The following L2HGDH variants were observed in gnomAD, a reference collection of about 807,000 sequenced individuals.
L2HGDH encodes L-2-hydroxyglutarate dehydrogenase.
Under a neutral mutation model 51.5 loss-of-function variants are expected in L2HGDH, and 34 were observed. That is an observed-to-expected ratio of 0.66 (90% CI 0.50 to 0.88). The LOEUF (loss-of-function observed/expected upper bound fraction) is 0.88, where lower values mean the gene tolerates loss of function less well. L2HGDH is among the 40% of genes least tolerant of loss of function. The probability of loss-of-function intolerance (pLI) is 0.00; values close to 1 mark genes in which losing one functional copy is unlikely to be tolerated. For synonymous variants in L2HGDH, 198 were observed against 197.9 expected (o/e 1.00, Z -0.01); for missense variants, 558 against 571.9 (o/e 0.98, Z 0.25).
intron 2 of L2HGDH, 91 bp downstream of exon 2, chr14:50,302,811 T>G (rs1051504334): frequency 4.4e-6 from 4 of 902,610 alleles, no homozygotes; most frequent in Non-Finnish European, 7.4e-6. Context: ...ACTAAGAAAC[T>G]AACACTGACA....
rs964256797 is a variant in L2HGDH at position 50,255,362 on chromosome 14, C to T, written c.1197-8109G>A. On this transcript the variant is annotated intron_variant, in intron 9 of 9. Coordinates refer to ENST00000267436, the MANE Select transcript of L2HGDH (RefSeq NM_024884.3). ...TCAGCCTGGCAAATATGGCAAACCC[C>T]CGTCTCTACTAAAAATACAAAAATT... 2.0e-5 allele frequency among the ~76,000 whole-genome samples: 3 copies of T among 151,560 alleles called. No individual in the cohort carries two copies. In the South Asian group the frequency reaches 6.2e-4, roughly 32 times the overall value.
chr14:50,258,845 T>A (rs1888826477), intron 9 of L2HGDH, among the ~76,000 whole-genome samples: 1 of 151,308 alleles, frequency 6.6e-6, no homozygotes, highest in Admixed American at 6.6e-5. Flanking sequence ...ATTTTTTATT[T>A]AATTTTATTT....
chr14:50,247,364 A>G, intron 9 of L2HGDH, 111 bp from the exon 10 acceptor site: 9 of 1,498,734 alleles, frequency 6.0e-6, no homozygotes, highest in Non-Finnish European at 7.2e-6. Flanking sequence ...ATGCACAATT[A>G]TATGGAAACC....
At chr14:50,271,574 C>T (rs1237333458) in intron 6 of L2HGDH, among the ~76,000 whole-genome samples, 2 of 152,148 alleles carry the variant, frequency 1.3e-5, no homozygotes, top group African/African-American at 4.8e-5. Flanking sequence ...GGCACGGTGG[C>T]TCACGCCTGT....
At chr14:50,304,069 T>C (rs1038176916) in intron 1 of L2HGDH, among the ~76,000 whole-genome samples, 1 of 152,182 alleles carries the variant, frequency 6.6e-6, no homozygotes, top group African/African-American at 2.4e-5. Context: ...ATGATATAGC[T>C]TACTGTACAC....
At chr14:50,262,990 C>A (rs974048851) in intron 9 of L2HGDH, among the ~76,000 whole-genome samples, 1 of 152,178 alleles carries the variant, frequency 6.6e-6, no homozygotes, top group African/African-American at 2.4e-5. Flanking sequence ...CAGAAATTCA[C>A]ACCCTTACAC....
At chr14:50,283,240 A>G (rs1890376033) in intron 5 of L2HGDH, among the ~76,000 whole-genome samples, 1 of 152,130 alleles carries the variant, frequency 6.6e-6, no homozygotes, top group Admixed American at 6.5e-5. Flanking sequence ...AGCATTGTCA[A>G]GAGATTCTGA....
intron 1 of L2HGDH, among the ~76,000 whole-genome samples, chr14:50,310,894 T>A (rs1197598230): frequency 1.3e-5 from 2 of 149,042 alleles, no homozygotes; most frequent in African/African-American, 4.9e-5. Flanking sequence ...TTTTAGAACA[T>A]CAACATTTAA....
At chr14:50,278,774 A>T (rs1306212577) in intron 5 of L2HGDH, among the ~76,000 whole-genome samples, 1 of 152,230 alleles carries the variant, frequency 6.6e-6, no homozygotes, top group Non-Finnish European at 1.5e-5. Flanking sequence ...AATTCACCTA[A>T]TCTATGCTTA....
At chr14:50,297,978 C>T (rs1447017923) in intron 3 of L2HGDH, among the ~76,000 whole-genome samples, 1 of 151,822 alleles carries the variant, frequency 6.6e-6, no homozygotes, top group Non-Finnish European at 1.5e-5. Context: ...AATGACTGGG[C>T]ATGGTGGCTC....
In L2HGDH at chr14:50,243,642, ATTT is replaced by A; in HGVS notation, c.*3413_*3415del. 1.7e-6 allele frequency: 1 copy of A among 572,172 alleles called. No homozygotes were observed. The allele number at this position is 572,172 out of a possible 1,614,324, so 35.4% of individuals were successfully genotyped here. A position where few individuals can be genotyped will look rare whatever the true frequency, so the allele number is the denominator to read the frequency against. On this transcript the variant is annotated 3_prime_UTR_variant, in exon 10 of 10. Coordinates refer to ENST00000267436, the MANE Select transcript of L2HGDH (RefSeq NM_024884.3). ...TCAAAACACTTTCAACAAATTTTTC[ATTT>A]TTATTTTTCAGGGTATTTTATATAT...
rs1890037479 is a variant in L2HGDH at position 50,277,468 on chromosome 14, G to C, written c.738+1052C>G. Among the ~76,000 whole-genome samples the C allele has an allele frequency of 2.0e-5, 3 of 151,986 alleles. No homozygotes were observed. The South Asian group carries it at 6.2e-4, about 32-fold the overall frequency. ...TCCAACTTAAACTTGGTCAAAACAG[G>C]AGATGCATATAATCTGGTGGCAGAG... On this transcript the variant is annotated intron_variant, in intron 6 of 9. Transcript: ENST00000267436.
At chr14:50,257,496 A>G (rs1035202660) in intron 9 of L2HGDH, among the ~76,000 whole-genome samples, 4 of 151,838 alleles carry the variant, frequency 2.6e-5, no homozygotes, top group African/African-American at 9.7e-5. Flanking sequence ...CGGCCTCCAG[A>G]GTAGCTGGGA....
rs747418664 is a variant in L2HGDH, at chr14:50,283,971, T to C, written c.603A>G (p.Ser201=). Residue 201 remains serine (S), a synonymous_variant, in exon 5 of 10, where the codon TCA becomes TCG. Transcript: ENST00000267436. ...CTGCTTCTTGGAAATCCTGGGCAAA[T>C]GACAAAGCCACCTGCCGATAGTCCA... ...GIVDYRQVAL[S]FAQDFQEAGG... The C allele has an allele frequency of 6.2e-7, 1 of 1,614,096 alleles. No homozygotes were observed. Among genetic ancestry groups the C allele is most frequent in the Admixed American group, 1.7e-5 (1 of 60,016 alleles).
At position 50,312,178 on chromosome 14, in the gene L2HGDH, G is replaced by C; in HGVS notation, c.-28C>G. ...CCTACGCACGCTCCCCTCCCTCAGC[G>C]CTCAGAAGAAGCCACTTGACCCTCC... On this transcript the variant is annotated 5_prime_UTR_variant, in exon 1 of 10. Coordinates refer to ENST00000267436, the MANE Select transcript of L2HGDH (RefSeq NM_024884.3). 6.2e-7 allele frequency: 1 copy of C among 1,607,110 alleles called. No homozygotes were observed. Among genetic ancestry groups the C allele is most frequent in the Non-Finnish European group, 8.5e-7 (1 of 1,178,862 alleles).
chr14:50,297,742 A>G (rs2030149690), intron 3 of L2HGDH, among the ~76,000 whole-genome samples: 1 of 152,208 alleles, frequency 6.6e-6, no homozygotes, highest in Non-Finnish European at 1.5e-5. Context: ...ATGGAATGAA[A>G]CTAGAAATCA....
rs569432618 is a variant in L2HGDH at position 50,306,153 on chromosome 14, C to G, written c.141-3136G>C. ...GCAACCTCCAGCTCCCGGATTCAAG[C>G]GATTCTTCCACCTCAGCCTCCCAAG... is the stretch of plus-strand genomic sequence containing the variant. On this transcript the variant is annotated intron_variant, in intron 1 of 9. Coordinates refer to ENST00000267436, the MANE Select transcript of L2HGDH (RefSeq NM_024884.3). 6.3e-4 allele frequency among the ~76,000 whole-genome samples: 96 copies of G among 151,778 alleles called. 1 individual carries two copies. Among genetic ancestry groups the G allele is most frequent in the Non-Finnish European group, 1.1e-3 (75 of 67,962 alleles).
At chr14:50,302,240 CTT>C in intron 2 of L2HGDH, 72 bp from the exon 3 acceptor site, 1 of 1,513,462 alleles carries the variant, frequency 6.6e-7, no homozygotes, top group South Asian at 1.1e-5. Context: ...AGAGAACAAA[CTT>C]ATAGTTGAAG....
At chr14:50,261,495 A>G (rs1479428553) in intron 9 of L2HGDH, among the ~76,000 whole-genome samples, 1 of 152,150 alleles carries the variant, frequency 6.6e-6, no homozygotes, top group East Asian at 1.9e-4. Flanking sequence ...AGCTATATAT[A>G]TATTTGAGAC....
Sources: allele counts gnomAD v4.1 joint callset (sites outside exome capture counted in the v4.1 genomes callset), GRCh38; gene constraint gnomAD v4.1.1; transcripts MANE v1.5; gene names NCBI Gene and HGNC (gene_info 2026-07-23, HGNC 2026-07-21).